PSMG4: variants seen among roughly 807,000 people sequenced by gnomAD.
The protein encoded by PSMG4 is proteasome (prosome, macropain) assembly chaperone 4.
A neutral mutation model predicts 11.0 loss-of-function variants in PSMG4; 10 were observed. That is an observed-to-expected ratio of 0.91 (90% CI 0.56 to 1.54). The LOEUF is 1.54. PSMG4 is among the 40% of genes most tolerant of loss of function. The pLI is 0.00. For missense variants in PSMG4, 198 were observed against 160.9 expected, an observed-to-expected ratio of 1.23 and a Z score of -1.25; for synonymous variants, 95 against 71.3, an observed-to-expected ratio of 1.33 and a Z score of -1.68.
chr6:3,254,561 G>T (rs150381138), upstream of PSMG4, among the ~76,000 whole-genome samples: 113 of 152,186 alleles, frequency 7.4e-4, no homozygotes, highest in East Asian at 0.014. Context: ...TTGTTCTCGG[G>T]GTTTGTGAGG....
chr6:3,255,479 C>T (rs1269887089), upstream of PSMG4, among the ~76,000 whole-genome samples: 1 of 152,184 alleles, frequency 6.6e-6, no homozygotes, highest in Non-Finnish European at 1.5e-5. Context: ...CGTCTTTCTC[C>T]CCAAAGGTAC....
At chr6:3,259,510 C>T (rs146238207) in intron 1 of PSMG4, among the ~76,000 whole-genome samples, 3 of 152,244 alleles carry the variant, frequency 2.0e-5, no homozygotes, top group Non-Finnish European at 4.4e-5. Context: ...CCTCGTAGCT[C>T]TCCTGCCATC....
At chr6:3,263,452 A>G (rs1487978682) in intron 1 of PSMG4, among the ~76,000 whole-genome samples, 1 of 152,234 alleles carries the variant, frequency 6.6e-6, no homozygotes, top group Non-Finnish European at 1.5e-5. Flanking sequence ...AGAACTTAGT[A>G]GCACTGTGGT....
At chr6:3,264,501 G>A (rs1581556526) in intron 2 of PSMG4, 1 of 1,259,674 alleles carries the variant, frequency 7.9e-7, no homozygotes, top group Non-Finnish European at 1.1e-6. Flanking sequence ...GAACCTCTGT[G>A]TCAGTCACAC....
Position 3,259,177 on chromosome 6 carries a change from T to A in PSMG4, c.155T>A (p.Val52Glu). The change falls in exon 1 of 3, where the codon GTG becomes GAG. Residue 52 changes from valine to glutamate, a missense_variant. Val to Glu is a moderately radical substitution (Grantham distance 121). Coordinates refer to ENST00000438998, the MANE Select transcript of PSMG4 (RefSeq NM_001128591.2). ...ACGCCGCACCTGCGCAACCTCGCCG[T>A]GGCCATGTGCAGCCGCTACGTGAGT... ...GATPHLRNLA[V>E]AMCSRYDSIP... The A allele has an allele frequency of 7.7e-7, 1 of 1,307,128 alleles. No individual in the cohort carries two copies. Among genetic ancestry groups the A allele is most frequent in the Non-Finnish European group, 9.7e-7 (1 of 1,029,272 alleles). 81.0% of individuals were successfully genotyped at this position (1,307,128 alleles called of 1,614,324 possible).
chr6:3,260,153 G>C (rs1338936017), intron 1 of PSMG4, among the ~76,000 whole-genome samples: 1 of 151,596 alleles, frequency 6.6e-6, no homozygotes, highest in African/African-American at 2.4e-5. Context: ...TGCCCAGGCT[G>C]TTCTTGAACT....
At chr6:3,254,511 G>C (rs183318344), upstream of PSMG4, among the ~76,000 whole-genome samples, 1 of 151,828 alleles carries the variant, frequency 6.6e-6, no homozygotes, top group Non-Finnish European at 1.5e-5. Context: ...GTATGTGTTG[G>C]GTTTATGAGC....
intron 1 of PSMG4, among the ~76,000 whole-genome samples, 177 bp from the exon 2 acceptor site, chr6:3,263,507 G>A (rs776962629): frequency 8.5e-5 from 13 of 152,162 alleles, no homozygotes; most frequent in Admixed American, 2.0e-4. Context: ...TATGCGACAT[G>A]GGGTCCACCT....
chr6:3,259,005 CG>C lies in PSMG4; in HGVS notation c.-15del. The C allele has an allele frequency of 8.1e-7, 1 of 1,241,710 alleles. No individual in the cohort carries two copies. Among genetic ancestry groups the C allele is most frequent in the Non-Finnish European group, 1.0e-6 (1 of 992,050 alleles). 76.9% of individuals were successfully genotyped at this position (1,241,710 alleles called of 1,614,324 possible). A position where few individuals can be genotyped will look rare whatever the true frequency, so the allele number is the denominator to read the frequency against. On this transcript the variant is annotated 5_prime_UTR_variant, in exon 1 of 3. Coordinates refer to ENST00000438998, the MANE Select transcript of PSMG4 (RefSeq NM_001128591.2). ...AGGACCCGGGTCTGGCGCTGTGGGC[CG>C]GGAGCCGTGGGGCGGCATGGAGGGG...
At chr6:3,255,330 G>A, upstream of PSMG4, 1 of 1,486,006 alleles carries the variant, frequency 6.7e-7, no homozygotes, top group Non-Finnish European at 9.0e-7. Flanking sequence ...ACGGCAACTG[G>A]TGGAGTCATT....
intron 2 of PSMG4, chr6:3,264,664 C>T (rs78182687): frequency 0.015 from 3,071 of 201,660 alleles, 34 homozygotes; most frequent in Non-Finnish European, 0.023. Context: ...TATTCTTTTT[C>T]CCTCCCTTGG....
upstream of PSMG4, among the ~76,000 whole-genome samples, chr6:3,255,949 A>G (rs1490905956): frequency 6.6e-6 from 1 of 152,238 alleles, no homozygotes; most frequent in African/African-American, 2.4e-5. Context: ...CTATGGCATT[A>G]TCACACCACT....
intron 1 of PSMG4, among the ~76,000 whole-genome samples, chr6:3,262,782 A>C: frequency 1.3e-5 from 1 of 75,506 alleles, no homozygotes; most frequent in African/African-American, 4.7e-5. Context: ...TGGCCATATT[A>C]CCAATAAGTG....
intron 2 of PSMG4, chr6:3,267,272 G>T (rs1581560283): frequency 4.2e-6 from 1 of 238,416 alleles, no homozygotes; most frequent in Non-Finnish European, 8.3e-6. Flanking sequence ...CCAGCAGACA[G>T]CTGGCCCCAA....
At chr6:3,264,479 C>A in intron 2 of PSMG4, 1 of 1,365,748 alleles carries the variant, frequency 7.3e-7, no homozygotes, top group Non-Finnish European at 9.7e-7. Context: ...GGACCTGGTA[C>A]CTGACAAGCA....
chr6:3,256,226 C>T (rs957805338), upstream of PSMG4, among the ~76,000 whole-genome samples: 3 of 152,208 alleles, frequency 2.0e-5, no homozygotes, highest in Admixed American at 6.5e-5. Flanking sequence ...ACTATGATAG[C>T]TCCTACCCTA....
intron 1 of PSMG4, among the ~76,000 whole-genome samples, chr6:3,261,017 T>A (rs1441109357): frequency 6.6e-6 from 1 of 152,110 alleles, no homozygotes; most frequent in Non-Finnish European, 1.5e-5. Context: ...AGCGTCTGTT[T>A]CTCTAGCTCC....
At chr6:3,255,189 A>T, upstream of PSMG4, 4 of 1,550,552 alleles carry the variant, frequency 2.6e-6, no homozygotes, top group Non-Finnish European at 3.5e-6. Flanking sequence ...GCTCTGGTGG[A>T]AGTAGGATGT....
At chr6:3,261,675 A>G (rs11242838) in intron 1 of PSMG4, among the ~76,000 whole-genome samples, 103,674 of 151,810 alleles carry the variant, frequency 0.68, 38,392 homozygotes, top group Non-Finnish European at 0.83. Flanking sequence ...AGGGGCAGAG[A>G]GCCGAGCCAG....
Sources: gnomAD v4.1 joint callset for allele counts (sites outside exome capture counted in the v4.1 genomes callset) on GRCh38, gnomAD v4.1.1 for gene constraint, MANE v1.5 for transcripts, NCBI Gene and HGNC (gene_info 2026-07-23, HGNC 2026-07-21) for gene names.